Variants in SDK1 observed in about 807,000 individuals in gnomAD.
The protein encoded by SDK1 is sidekick cell adhesion molecule 1, also known as protein sidekick-1.
SDK1 carries 157 observed loss-of-function variants against 245.5 expected under a neutral mutation model. That is an observed-to-expected ratio of 0.64 (90% CI 0.56 to 0.73). The LOEUF is 0.73. Ranked by LOEUF, SDK1 falls within the 30% of genes least tolerant of loss-of-function variation. The pLI, the probability that SDK1 is intolerant of heterozygous loss-of-function variation, is 0.00. For synonymous variants in SDK1, 1,647 were observed against 1,278.5 expected (o/e 1.29, Z -6.15); for missense variants, 3,583 against 3,002.3 (o/e 1.19, Z -4.52).
chr7:4,037,345 TG>T (rs1375801149), intron 17 of SDK1, among the ~76,000 whole-genome samples: 1 of 151,308 alleles, frequency 6.6e-6, no homozygotes, highest in African/African-American at 2.5e-5. Context: ...GGGCTAGGCA[TG>T]GTGGCTCATT....
intron 1 of SDK1, among the ~76,000 whole-genome samples, chr7:3,476,933 C>G (rs896906469): frequency 1.3e-5 from 2 of 152,086 alleles, no homozygotes; most frequent in African/African-American, 4.8e-5. Flanking sequence ...GTGAGGCATG[C>G]AGGCCTAAGG....
chr7:3,932,827 A>T (rs1045049445), intron 5 of SDK1, among the ~76,000 whole-genome samples: 4 of 152,222 alleles, frequency 2.6e-5, no homozygotes, highest in African/African-American at 9.7e-5. Context: ...ATGTGTACAC[A>T]AAAGAGAGGG....
At chr7:3,882,590 C>G (rs1320652801) in intron 5 of SDK1, among the ~76,000 whole-genome samples, 2 of 152,160 alleles carry the variant, frequency 1.3e-5, no homozygotes, top group South Asian at 2.1e-4. Flanking sequence ...TACTCTTGTA[C>G]CATCTTTGAG....
rs114871131 is a variant in SDK1, at chr7:4,075,615, G to A, written c.3011-1383G>A. Among the ~76,000 whole-genome samples, 1,030 of 151,192 alleles carry A rather than the reference G, an allele frequency of 6.8e-3. 19 individuals carry two copies. Among genetic ancestry groups the A allele is most frequent in the African/African-American group, 0.023 (936 of 41,142 alleles). Reference sequence around the variant, plus strand: ...TCTGATCACATTAACTCCCCTCCACGCGGGTTGATTGATTCAGGAGCTAGT... The same window carrying A: ...TCTGATCACATTAACTCCCCTCCACACGGGTTGATTGATTCAGGAGCTAGT... On this transcript the variant is annotated intron_variant, in intron 20 of 44. Coordinates refer to ENST00000404826, the MANE Select transcript of SDK1 (RefSeq NM_152744.4).
At chr7:3,655,448 A>AATATATATATAT (rs1194322286) in intron 4 of SDK1, among the ~76,000 whole-genome samples, 11 of 66,322 alleles carry the variant, frequency 1.7e-4, no homozygotes, top group South Asian at 6.0e-4. Flanking sequence ...AAACAAAACA[A>AATATATATATAT]ATATATATAT....
At position 3,844,648 on chromosome 7, in the gene SDK1, G is replaced by C. The variant is rs187036156; in HGVS notation, c.847+23065G>C. Among the ~76,000 whole-genome samples, 15 of 152,314 alleles carry C rather than the reference G, an allele frequency of 9.8e-5. No individual in the cohort carries two copies. The East Asian group carries it at 2.9e-3, about 29-fold the overall frequency. ...CCCTAACTATAATTTCAACAAGGAA[G>C]AGTTTACACAGAAAAATCCCATTTA... On this transcript the variant is annotated intron_variant, in intron 5 of 44. Transcript: ENST00000404826.
chr7:3,994,882 G>A (rs1562638099), intron 14 of SDK1, among the ~76,000 whole-genome samples: 1 of 152,238 alleles, frequency 6.6e-6, no homozygotes, highest in East Asian at 1.9e-4. Flanking sequence ...AGCGAGCTCA[G>A]TAGTACAGGA....
At chr7:3,775,884 C>T (rs140883297) in intron 4 of SDK1, among the ~76,000 whole-genome samples, 1,823 of 152,270 alleles carry the variant, frequency 0.012, 20 homozygotes, top group Non-Finnish European at 0.019. Context: ...CCTAGTACCT[C>T]TTTAAATGAA....
At chr7:3,730,153 T>C (rs1196655509) in intron 4 of SDK1, among the ~76,000 whole-genome samples, 1 of 152,128 alleles carries the variant, frequency 6.6e-6, no homozygotes, top group Non-Finnish European at 1.5e-5. Context: ...GAGGATCCCT[T>C]TGAAACAGAG....
chr7:3,631,598 C>T (rs1782289661), intron 2 of SDK1, among the ~76,000 whole-genome samples: 1 of 152,140 alleles, frequency 6.6e-6, no homozygotes, highest in Non-Finnish European at 1.5e-5. Flanking sequence ...TCATATTCTC[C>T]CCACAAAGTT....
intron 4 of SDK1, among the ~76,000 whole-genome samples, chr7:3,696,241 C>A (rs1354310805): frequency 1.3e-5 from 2 of 152,116 alleles, no homozygotes; most frequent in African/African-American, 4.8e-5. Flanking sequence ...CACTGTGGTC[C>A]TTGTTCAGAT....
chr7:3,374,277 T>TG (rs1016235921), intron 1 of SDK1, among the ~76,000 whole-genome samples: 15 of 152,312 alleles, frequency 9.8e-5, no homozygotes, highest in African/African-American at 3.4e-4. Flanking sequence ...GTTTTCCACT[T>TG]GGGATATGTT....
rs188133557 is a variant in SDK1, at chr7:4,247,494, C to T, written c.6381+1689C>T. On this transcript the variant is annotated intron_variant, in intron 44 of 44. Transcript: ENST00000404826. ...ATAAAGAAAAAGCTTATCAGAAGCTCGCTGCATGTACGAAAGCAGCAGGTT... is the reference window on the plus strand; with the variant it reads ...ATAAAGAAAAAGCTTATCAGAAGCTTGCTGCATGTACGAAAGCAGCAGGTT... 8.5e-4 allele frequency among the ~76,000 whole-genome samples: 129 copies of T among 152,344 alleles called. 1 individual carries two copies. In the East Asian group the frequency reaches 0.023, roughly 27 times the overall value.
intron 28 of SDK1, among the ~76,000 whole-genome samples, chr7:4,137,584 T>A (rs1249772376): frequency 6.6e-6 from 1 of 152,240 alleles, no homozygotes; most frequent in African/African-American, 2.4e-5. Flanking sequence ...TCTCACTTGA[T>A]GTTTTTAATC....
chr7:4,197,215 G>C (rs1290540825), intron 35 of SDK1, among the ~76,000 whole-genome samples: 1 of 152,058 alleles, frequency 6.6e-6, no homozygotes, highest in African/African-American at 2.4e-5. Context: ...TGCCATCCCA[G>C]CACTTTGGGA....
chr7:4,233,370 G>A lies in SDK1; in HGVS notation c.5943G>A (p.Val1981=), dbSNP rs1398225998. ...GVTYEFRVVA[V]NEAGYGEPSN... is the part of the protein sequence containing the mutation. ...CTTACGAGTTCCGGGTGGTGGCTGT[G>A]AATGAGGCGGGCTACGGGGAGCCCA... The change falls in exon 41 of 45, where the codon GTG becomes GTA. Residue 1981 remains valine, a synonymous_variant. Coordinates refer to ENST00000404826, the MANE Select transcript of SDK1 (RefSeq NM_152744.4). 6.2e-7 allele frequency: 1 copy of A among 1,613,790 alleles called. No homozygotes were observed. The highest frequency in any genetic ancestry group is 1.1e-5 in the South Asian group (1 of 91,086).
chr7:3,722,808 G>A (rs1204232995), intron 4 of SDK1, among the ~76,000 whole-genome samples: 1 of 152,190 alleles, frequency 6.6e-6, no homozygotes, highest in Non-Finnish European at 1.5e-5. Flanking sequence ...AGAGGCTGAA[G>A]CAGGGTGGGC....
chr7:3,631,281 G>C (rs1480260485), intron 2 of SDK1, among the ~76,000 whole-genome samples: 3 of 152,026 alleles, frequency 2.0e-5, no homozygotes, highest in Non-Finnish European at 4.4e-5. Context: ...AGCTCTCTCT[G>C]TACTCACCAA....
intron 1 of SDK1, among the ~76,000 whole-genome samples, chr7:3,347,708 A>G (rs1780546034): frequency 2.0e-5 from 3 of 152,160 alleles, no homozygotes; most frequent in African/African-American, 7.2e-5. Flanking sequence ...CCTCAGAGGA[A>G]GTTATGTTCT....
Sources: gnomAD v4.1 joint callset for allele counts (sites outside exome capture counted in the v4.1 genomes callset) on GRCh38, gnomAD v4.1.1 for gene constraint, MANE v1.5 for transcripts, NCBI Gene and HGNC (gene_info 2026-07-23, HGNC 2026-07-21) for gene names.